The following CSGALNACT1 variants were observed in gnomAD, a reference collection of about 807,000 sequenced individuals.
The protein encoded by CSGALNACT1 is chondroitin sulfate N-acetylgalactosaminyltransferase 1, also known as beta4GalNAcT-1.
A neutral mutation model predicts 51.0 loss-of-function variants in CSGALNACT1; 52 were observed. That is an observed-to-expected ratio of 1.02 (90% CI 0.82 to 1.29). The LOEUF is 1.29. Ranked by LOEUF, CSGALNACT1 falls within the 50% of genes most tolerant of loss-of-function variation. CSGALNACT1 has a pLI of 0.00. For missense variants in CSGALNACT1, 935 were observed against 679.2 expected (o/e 1.38, Z -4.19); for synonymous variants, 341 against 254.4 (o/e 1.34, Z -3.24).
At chr8:19,723,746 G>C (rs1375548422) in intron 1 of CSGALNACT1, among the ~76,000 whole-genome samples, 2 of 152,094 alleles carry the variant, frequency 1.3e-5, no homozygotes, top group Non-Finnish European at 2.9e-5. Flanking sequence ...CCATTTGATG[G>C]TACCGTACAT....
At chr8:19,600,371 C>T (rs2050142135) in intron 2 of CSGALNACT1, among the ~76,000 whole-genome samples, 1 of 152,186 alleles carries the variant, frequency 6.6e-6, no homozygotes, top group Non-Finnish European at 1.5e-5. Context: ...TGAGCCACCG[C>T]ACCCAGCCTA....
chr8:19,426,633 T>C (rs796913946), intron 6 of CSGALNACT1, among the ~76,000 whole-genome samples: 3 of 152,226 alleles, frequency 2.0e-5, no homozygotes, highest in African/African-American at 7.2e-5. Flanking sequence ...TATTATCAAC[T>C]GACAAAACTC....
intron 6 of CSGALNACT1, among the ~76,000 whole-genome samples, chr8:19,423,268 T>C (rs2058234953): frequency 6.6e-6 from 1 of 152,210 alleles, no homozygotes; most frequent in Non-Finnish European, 1.5e-5. Flanking sequence ...ATAGGCCAAA[T>C]ATTTACAAAA....
intron 3 of CSGALNACT1, among the ~76,000 whole-genome samples, chr8:19,569,240 A>C (rs1564088789): frequency 6.6e-6 from 1 of 152,310 alleles, no homozygotes; most frequent in East Asian, 1.9e-4. Context: ...GACAAGCATA[A>C]TGTGCTTGAC....
chr8:19,614,258 A>G (rs137910863), intron 1 of CSGALNACT1, among the ~76,000 whole-genome samples: 124 of 152,352 alleles, frequency 8.1e-4, no homozygotes, highest in African/African-American at 2.9e-3. Flanking sequence ...TTACTAAAAA[A>G]TCAAAAACTG....
chr8:19,671,965 G>C (rs556613437), intron 1 of CSGALNACT1, among the ~76,000 whole-genome samples: 5 of 152,194 alleles, frequency 3.3e-5, no homozygotes, highest in Admixed American at 2.6e-4. Context: ...CTACTCATTG[G>C]GGCAGTTAGA....
chr8:19,709,953 C>G (rs1018080704), intron 1 of CSGALNACT1, among the ~76,000 whole-genome samples: 1 of 152,164 alleles, frequency 6.6e-6, no homozygotes, highest in African/African-American at 2.4e-5. Context: ...AAAGTCAAAG[C>G]TGGGTTGGGT....
intron 1 of CSGALNACT1, among the ~76,000 whole-genome samples, chr8:19,734,466 C>T (rs1035577413): frequency 1.3e-5 from 2 of 152,204 alleles, no homozygotes; most frequent in Non-Finnish European, 2.9e-5. Context: ...CCTATACTTC[C>T]TTTCTCTGTC....
chr8:19,526,880 C>T (rs2081818425), intron 3 of CSGALNACT1, among the ~76,000 whole-genome samples: 2 of 152,032 alleles, frequency 1.3e-5, no homozygotes, highest in Admixed American at 1.3e-4. Context: ...TCCAGGAGTA[C>T]AAAAAATGCT....
At chr8:19,632,058 T>C (rs1351202567) in intron 1 of CSGALNACT1, among the ~76,000 whole-genome samples, 1 of 152,246 alleles carries the variant, frequency 6.6e-6, no homozygotes, top group East Asian at 1.9e-4. Flanking sequence ...CAAAGCTACA[T>C]TTTACACCTT....
At chr8:19,668,611 G>A (rs1421190050) in intron 1 of CSGALNACT1, among the ~76,000 whole-genome samples, 3 of 152,120 alleles carry the variant, frequency 2.0e-5, no homozygotes, top group Non-Finnish European at 2.9e-5. Flanking sequence ...TTGGAATGTA[G>A]TGGCATGATC....
intron 4 of CSGALNACT1, among the ~76,000 whole-genome samples, chr8:19,488,025 G>T (rs984026100): frequency 6.6e-6 from 1 of 152,032 alleles, no homozygotes; most frequent in Non-Finnish European, 1.5e-5. Context: ...ACACTATGGG[G>T]GTTTGCAATA....
intron 4 of CSGALNACT1, among the ~76,000 whole-genome samples, chr8:19,487,717 T>A (rs918534211): frequency 3.3e-5 from 5 of 152,078 alleles, no homozygotes; most frequent in Non-Finnish European, 7.4e-5. Context: ...AAAAAGGGTG[T>A]TTCCATATGC....
chr8:19,565,897 C>T (rs972667319), intron 3 of CSGALNACT1, among the ~76,000 whole-genome samples: 15 of 152,282 alleles, frequency 9.9e-5, no homozygotes, highest in African/African-American at 3.1e-4. Context: ...GGCAACAGAG[C>T]AAGGCTCCAT....
exon 4 of CSGALNACT1, chr8:19,505,781 C>A: frequency 1.2e-6 from 2 of 1,613,942 alleles, no homozygotes; most frequent in Non-Finnish European, 1.7e-6. Context: ...GGAGCACCAG[C>A]AAAACCACCA....
At chr8:19,484,867 G>C (rs141182059) in intron 4 of CSGALNACT1, among the ~76,000 whole-genome samples, 2 of 152,224 alleles carry the variant, frequency 1.3e-5, no homozygotes, top group African/African-American at 2.4e-5. Flanking sequence ...ACACACAGGA[G>C]AGACACCAGA....
intron 3 of CSGALNACT1, among the ~76,000 whole-genome samples, chr8:19,565,251 A>AT (rs2041662833): frequency 6.6e-6 from 1 of 152,210 alleles, no homozygotes; most frequent in Non-Finnish European, 1.5e-5. Context: ...AAGTCAAAAA[A>AT]CACCATAGAA....
exon 7 of CSGALNACT1, chr8:19,420,468 G>A (rs2057742295): frequency 1.9e-6 from 3 of 1,614,064 alleles, no homozygotes; most frequent in South Asian, 2.2e-5. Flanking sequence ...CTTTCCCCGA[G>A]AAAATTCTCC....
At chr8:19,607,264 G>A (rs578117545), upstream of CSGALNACT1, among the ~76,000 whole-genome samples, 1 of 152,102 alleles carries the variant, frequency 6.6e-6, no homozygotes, top group Non-Finnish European at 1.5e-5. Context: ...AATCGACAAT[G>A]AAGTGATTCC....
Sources: allele counts gnomAD v4.1 joint callset (sites outside exome capture counted in the v4.1 genomes callset), GRCh38; gene constraint gnomAD v4.1.1; transcripts MANE v1.5; gene names NCBI Gene and HGNC (gene_info 2026-07-23, HGNC 2026-07-21).